ERBB4: variants seen among roughly 807,000 people sequenced by gnomAD.
ERBB4 encodes erb-b2 receptor tyrosine kinase 4, also known as receptor tyrosine-protein kinase erbB-4.
Under a neutral mutation model 158.0 loss-of-function variants are expected in ERBB4, and 42 were observed. The ratio of observed to expected loss-of-function variants is 0.27; its 90% confidence interval spans 0.21 to 0.34. The LOEUF (loss-of-function observed/expected upper bound fraction) is 0.34, where lower values mean the gene tolerates loss of function less well. Ranked by LOEUF, ERBB4 falls within the 10% of genes least tolerant of loss-of-function variation. The pLI is 1.00. For synonymous variants in ERBB4, 583 were observed against 558.7 expected (o/e 1.04, Z -0.61); for missense variants, 1,333 against 1,624.1 (o/e 0.82, Z 3.08).
intron 1 of ERBB4, among the ~76,000 whole-genome samples, chr2:212,443,915 T>C (rs1186896476): frequency 6.6e-6 from 1 of 152,200 alleles, no homozygotes; most frequent in Non-Finnish European, 1.5e-5. Flanking sequence ...CAAGTCACCA[T>C]GTGACCTGAA....
intron 1 of ERBB4, among the ~76,000 whole-genome samples, chr2:212,149,868 A>G (rs533182265): frequency 5.9e-5 from 9 of 152,296 alleles, no homozygotes; most frequent in African/African-American, 1.9e-4. Context: ...AAGACAATAC[A>G]AAGTGTCATG....
chr2:212,047,006 A>G (rs1055895477), intron 2 of ERBB4, among the ~76,000 whole-genome samples: 7 of 152,216 alleles, frequency 4.6e-5, no homozygotes, highest in Non-Finnish European at 8.8e-5. Context: ...AGCTGAGTGC[A>G]AAAATAATTC....
intron 25 of ERBB4, among the ~76,000 whole-genome samples, chr2:211,414,011 G>A (rs541126862): frequency 3.3e-5 from 5 of 151,902 alleles, no homozygotes; most frequent in South Asian, 4.2e-4. Context: ...AGTCCACTGC[G>A]GGCACGCCCA....
chr2:212,010,134 C>A (rs1030197267), intron 2 of ERBB4, among the ~76,000 whole-genome samples: 1 of 152,174 alleles, frequency 6.6e-6, no homozygotes, highest in Non-Finnish European at 1.5e-5. Flanking sequence ...TAAGTGCCTC[C>A]TTGTTGCTCG....
intron 2 of ERBB4, among the ~76,000 whole-genome samples, chr2:212,068,603 T>C (rs567983054): frequency 3.9e-5 from 6 of 152,138 alleles, no homozygotes; most frequent in African/African-American, 1.4e-4. Context: ...TGTTAACCAA[T>C]CAATTACTTT....
chr2:212,111,228 T>C (rs2371444), intron 2 of ERBB4, among the ~76,000 whole-genome samples: 56,662 of 152,070 alleles, frequency 0.37, 12,340 homozygotes, highest in Non-Finnish European at 0.5. Context: ...GTTAAGTCTT[T>C]ATTAAGTCTT....
At chr2:212,031,169 C>T (rs1381999226) in intron 2 of ERBB4, among the ~76,000 whole-genome samples, 1 of 152,108 alleles carries the variant, frequency 6.6e-6, no homozygotes. Context: ...TCACTAATGA[C>T]TTTGTTCTCA....
intron 2 of ERBB4, among the ~76,000 whole-genome samples, chr2:212,100,010 A>G (rs2079039335): frequency 6.6e-6 from 1 of 151,924 alleles, no homozygotes; most frequent in South Asian, 2.1e-4. Flanking sequence ...TAAAACAGCC[A>G]TTCCATTGAA....
intron 2 of ERBB4, among the ~76,000 whole-genome samples, chr2:211,959,555 G>A (rs948568726): frequency 1.3e-5 from 2 of 152,044 alleles, no homozygotes; most frequent in Non-Finnish European, 2.9e-5. Context: ...CTATGTTTGT[G>A]TGTTTGTCTT....
chr2:211,561,235 C>T (rs150371162), intron 20 of ERBB4, among the ~76,000 whole-genome samples: 1 of 152,224 alleles, frequency 6.6e-6, no homozygotes, highest in East Asian at 1.9e-4. Context: ...TGGGAAATCA[C>T]AAAAAATCCA....
chr2:212,274,676 A>T (rs1345463063), intron 1 of ERBB4, among the ~76,000 whole-genome samples: 2 of 151,822 alleles, frequency 1.3e-5, no homozygotes, highest in Non-Finnish European at 2.9e-5. Flanking sequence ...ATAAACTTTA[A>T]CTTCTTATAA....
intron 3 of ERBB4, among the ~76,000 whole-genome samples, chr2:211,895,445 T>C (rs1465274603): frequency 6.6e-6 from 1 of 152,036 alleles, no homozygotes; most frequent in African/African-American, 2.4e-5. Flanking sequence ...TTTGAAGAGA[T>C]GGGGTTCTCA....
At position 211,450,184 on chromosome 2, in the gene ERBB4, T is replaced by A. The variant is rs149139497; in HGVS notation, c.2488-19084A>T. Among the ~76,000 whole-genome samples the A allele has an allele frequency of 2.3e-3, 351 of 152,228 alleles. 2 individuals are homozygous for A. The highest frequency in any genetic ancestry group is 7.9e-3 in the African/African-American group (330 of 41,538). On this transcript the variant is annotated intron_variant, in intron 20 of 27. Transcript: ENST00000342788. ...GAAATTATGAAACTTGGTGAGCCTA[T>A]GAGAGAGCTAATGGAGGTGGGCAGA...
chr2:212,062,298 G>T (rs1320502470), intron 2 of ERBB4, among the ~76,000 whole-genome samples: 3 of 150,058 alleles, frequency 2.0e-5, no homozygotes, highest in African/African-American at 7.3e-5. Context: ...CAAACTTGAA[G>T]TGAGACTAAA....
intron 5 of ERBB4, among the ~76,000 whole-genome samples, chr2:211,729,826 T>C (rs1016833431): frequency 6.6e-6 from 1 of 151,970 alleles, no homozygotes; most frequent in African/African-American, 2.4e-5. Flanking sequence ...TTTTTCCTTG[T>C]ATTTAGTTTC....
chr2:212,413,645 T>C (rs1467647259), intron 1 of ERBB4, among the ~76,000 whole-genome samples: 2 of 152,160 alleles, frequency 1.3e-5, no homozygotes, highest in Admixed American at 1.3e-4. Flanking sequence ...AACAGTATGT[T>C]ATAGCAGAAA....
intron 3 of ERBB4, among the ~76,000 whole-genome samples, chr2:211,862,162 T>A (rs565626305): frequency 6.6e-6 from 1 of 152,194 alleles, no homozygotes; most frequent in Non-Finnish European, 1.5e-5. Context: ...ACATGTAGAA[T>A]AATCATTAGA....
chr2:211,617,532 G>C (rs2069437143), intron 19 of ERBB4, among the ~76,000 whole-genome samples: 1 of 152,058 alleles, frequency 6.6e-6, no homozygotes, highest in Admixed American at 6.6e-5. Context: ...GATGCCGGTA[G>C]ATATGCAACA....
rs556990649 is a variant in ERBB4, at chr2:211,522,300, T to G, written c.2487+39603A>C. 2.6e-5 allele frequency among the ~76,000 whole-genome samples: 4 copies of G among 152,258 alleles called. No homozygotes were observed. In the South Asian group the frequency reaches 6.2e-4, roughly 24 times the overall value. Reference sequence around the variant, plus strand: ...GGATGACTTTGAAGGGTTCAAGATTTCAATGGAGAAAGTAACTGTATATAA... The same window carrying G: ...GGATGACTTTGAAGGGTTCAAGATTGCAATGGAGAAAGTAACTGTATATAA... On this transcript the variant is annotated intron_variant, in intron 20 of 27. Transcript: ENST00000342788.
Sources: allele counts gnomAD v4.1 joint callset (sites outside exome capture counted in the v4.1 genomes callset), GRCh38; gene constraint gnomAD v4.1.1; transcripts MANE v1.5; gene names NCBI Gene and HGNC (gene_info 2026-07-23, HGNC 2026-07-21).